Variants in ABCA4 observed in about 807,000 individuals in gnomAD.
ABCA4 encodes the protein ATP binding cassette subfamily A member 4.
Under a neutral mutation model 263.7 loss-of-function variants are expected in ABCA4, and 196 were observed. The ratio of observed to expected loss-of-function variants is 0.74; its 90% CI spans 0.66 to 0.84. ABCA4 has a LOEUF of 0.84. Among genes scored for constraint, ABCA4 ranks in the 40% least tolerant of loss-of-function variants. ABCA4 has a pLI of 0.00. For missense variants in ABCA4, 2,792 were observed against 2,855.1 expected, an observed-to-expected ratio of 0.98 and a Z score of 0.50; for synonymous variants, 1,133 against 1,094.2, an observed-to-expected ratio of 1.04 and a Z score of -0.70.
rs763545409 is a variant in ABCA4 at position 94,079,324 on chromosome 1, T to C, written c.1237A>G (p.Asn413Asp). 1.2e-6 allele frequency: 2 copies of C among 1,614,130 alleles called. No individual in the cohort carries two copies. The change falls in exon 9 of 50, where the codon AAT becomes GAT. Residue 413 changes from asparagine (N) to aspartate (D), a missense_variant and splice_region_variant. By Grantham distance (23) the Asn-to-Asp change is conservative. Transcript: ENST00000370225. ...DSPAARRILK[N>D]ANSTFEELEH... Reference sequence around the variant, plus strand: ...GGCAAGCCCAGCTGGGATCTTACATTCTTCAGTATCCTTCGTGCTGCAGGT... The same window carrying C: ...GGCAAGCCCAGCTGGGATCTTACATCCTTCAGTATCCTTCGTGCTGCAGGT...
chr1:94,116,968 C>CTCTTCCTTTCTT (rs1662787107), intron 1 of ABCA4, among the ~76,000 whole-genome samples: 3 of 99,940 alleles, frequency 3.0e-5, no homozygotes, highest in Non-Finnish European at 5.9e-5. Flanking sequence ...TTCTTTCTTT[C>CTCTTCCTTTCTT]TCTTTCTTTC....
rs756840095 is a variant in ABCA4 at position 94,042,797 on chromosome 1, G to A, written c.3292C>T (p.Arg1098Cys). ...TTCAGGAGCAGATCCCAGATTGAGC[G>A]TCTCGAGTAAGGGTCCACCCCAGAG... Reference protein sequence around the residue: ...PTSGVDPYSRRSIWDLLLKYR... With the variant: ...PTSGVDPYSRCSIWDLLLKYR... Residue 1098 changes from arginine to cysteine, a missense_variant, in exon 22 of 50, where the codon CGC becomes TGC. Coordinates refer to ENST00000370225, the MANE Select transcript of ABCA4 (RefSeq NM_000350.3). 2.8e-5 allele frequency: 46 copies of A among 1,614,088 alleles called. No homozygotes were observed. Among genetic ancestry groups the A allele is most frequent in the Middle Eastern group, 3.3e-4 (2 of 6,084 alleles).
Position 94,001,894 on chromosome 1 carries a change from G to C in ABCA4, c.6246C>G (p.Ala2082=). 6.2e-7 allele frequency: 1 copy of C among 1,614,214 alleles called. No homozygotes were observed. The highest frequency in any genetic ancestry group is 8.5e-7 in the Non-Finnish European group (1 of 1,180,040). Residue 2082 remains alanine, a synonymous_variant, in exon 45 of 50, where the codon GCC becomes GCG. Coordinates refer to ENST00000370225, the MANE Select transcript of ABCA4 (RefSeq NM_000350.3). ...GCGGTGGGCAGCCAATGAGTGCGATGGCTGTGGAGAGTTTCCGCTTGTTGC... is the reference window on the plus strand; with the variant it reads ...GCGGTGGGCAGCCAATGAGTGCGATCGCTGTGGAGAGTTTCCGCTTGTTGC... ...SGGNKRKLST[A]IALIGCPPLV...
intron 4 of ABCA4, among the ~76,000 whole-genome samples, chr1:94,108,278 G>C (rs1240897159): frequency 6.6e-6 from 1 of 152,098 alleles, no homozygotes; most frequent in East Asian, 1.9e-4. Flanking sequence ...CGTCTCCCCT[G>C]CTTCTAGCCC....
At chr1:94,061,804 G>A (rs987058932) in intron 13 of ABCA4, among the ~76,000 whole-genome samples, 5 of 152,238 alleles carry the variant, frequency 3.3e-5, no homozygotes, top group Non-Finnish European at 7.3e-5. Flanking sequence ...TTTCTGTAGA[G>A]CTGAGGCTGG....
At chr1:94,006,384 T>C (rs912214343) in intron 43 of ABCA4, among the ~76,000 whole-genome samples, 2 of 152,220 alleles carry the variant, frequency 1.3e-5, no homozygotes, top group African/African-American at 2.4e-5. Context: ...GTCTTAAGCC[T>C]ATAGTTTCTT....
chr1:94,062,391 T>C (rs1471937879), intron 13 of ABCA4, among the ~76,000 whole-genome samples, 186 bp downstream of exon 13: 1 of 152,174 alleles, frequency 6.6e-6, no homozygotes. Flanking sequence ...CTGACTCATC[T>C]GTGCCTGCCT....
chr1:94,025,405 T>A (rs1660011563), intron 30 of ABCA4, among the ~76,000 whole-genome samples: 1 of 152,072 alleles, frequency 6.6e-6, no homozygotes, highest in Non-Finnish European at 1.5e-5. Context: ...AACTTCCGTT[T>A]TCCACCCAGC....
At chr1:94,098,199 C>A (rs1662181710) in intron 6 of ABCA4, among the ~76,000 whole-genome samples, 1 of 152,130 alleles carries the variant, frequency 6.6e-6, no homozygotes, top group Admixed American at 6.5e-5. Context: ...AGTTCTAGAA[C>A]AAAGGGTTGA....
chr1:94,095,453 A>AT (rs1662098646), intron 6 of ABCA4, among the ~76,000 whole-genome samples: 1 of 152,038 alleles, frequency 6.6e-6, no homozygotes, highest in African/African-American at 2.4e-5. Flanking sequence ...AACCTTATTT[A>AT]TACACTGGCC....
chr1:94,077,879 C>T lies in ABCA4; in HGVS notation c.1365G>A (p.Leu455=), dbSNP rs759398868. ...STQMNMIRDT[L]GNPTVKDFLN... Reference sequence around the variant, plus strand: ...AAAAGTCTTTTACTGTTGGGTTCCCCAGGGTATCCTTGGGAAGAAGAAATA... The same window carrying T: ...AAAAGTCTTTTACTGTTGGGTTCCCTAGGGTATCCTTGGGAAGAAGAAATA... Residue 455 remains leucine (L), a synonymous_variant, in exon 11 of 50, where the codon CTG becomes CTA. Coordinates refer to ENST00000370225, the MANE Select transcript of ABCA4 (RefSeq NM_000350.3). 5.6e-6 allele frequency: 9 copies of T among 1,613,804 alleles called. 1 individual carries two copies. In the East Asian group the frequency reaches 2.0e-4, roughly 36 times the overall value.
intron 47 of ABCA4, among the ~76,000 whole-genome samples, chr1:93,999,299 G>A (rs1017866473): frequency 6.6e-6 from 1 of 152,238 alleles, no homozygotes; most frequent in Non-Finnish European, 1.5e-5. Flanking sequence ...ACCTGCCTCA[G>A]CTTCCCAAAG....
Position 94,060,561 on chromosome 1 carries a change from G to T in ABCA4, c.2136C>A (p.Ile712=), listed in dbSNP as rs1232125183. 6.2e-7 allele frequency: 1 copy of T among 1,614,000 alleles called. No individual in the cohort carries two copies. The highest frequency in any genetic ancestry group is 8.5e-7 in the Non-Finnish European group (1 of 1,180,020). Residue 712 remains isoleucine (I), a synonymous_variant, in exon 14 of 50, where the codon ATC becomes ATA. Transcript: ENST00000370225. ...LDSFSIMSMS[I]FLLTIFIMHG... ...CCATGATGAATATCGTCAGGAGGAA[G>T]ATGCTCATCGACATGATGGAGAAGC...
chr1:94,107,028 A>G (rs1662453553), intron 4 of ABCA4, among the ~76,000 whole-genome samples: 1 of 152,182 alleles, frequency 6.6e-6, no homozygotes, highest in African/African-American at 2.4e-5. Context: ...TGAATGTTGA[A>G]GGAGCTGCAC....
chr1:94,030,163 T>C (rs1051055323), intron 29 of ABCA4, among the ~76,000 whole-genome samples: 1 of 152,296 alleles, frequency 6.6e-6, no homozygotes, highest in African/African-American at 2.4e-5. Flanking sequence ...AAATAAGTTA[T>C]GGGGAATCAT....
At chr1:94,077,419 C>A (rs1661565050) in intron 11 of ABCA4, among the ~76,000 whole-genome samples, 1 of 152,110 alleles carries the variant, frequency 6.6e-6, no homozygotes. Flanking sequence ...GGGTTGAGGA[C>A]AGACACAGAT....
Position 94,031,981 on chromosome 1 carries a change from T to C in ABCA4, c.3925A>G (p.Lys1309Glu). Residue 1309 changes from lysine to glutamate, a missense_variant, in exon 27 of 50, where the codon AAG becomes GAG. Physicochemically the swap from Lys to Glu is moderately conservative, Grantham distance 56 (BLOSUM62 1). Transcript: ENST00000370225. ...GAGTCCTGGGGTGTCTGTCCAGCCT[T>C]CTCTCTGGGACCCAAGCAGGGGTGT... ...PRHPCLGPRE[K>E]AGQTPQDSNV... 1 of 1,613,848 alleles carries C rather than the reference T, an allele frequency of 6.2e-7. No individual in the cohort carries two copies. Among genetic ancestry groups the C allele is most frequent in the Non-Finnish European group, 8.5e-7 (1 of 1,179,974 alleles).
In ABCA4 at chr1:94,008,312, G is replaced by A; in HGVS notation, c.5836-15C>T. ...CCTGGATAAATCTGCAAGATACGAA[G>A]AAACCGGACTGAGAACTGAGACAGG... On this transcript the variant is annotated splice_polypyrimidine_tract_variant and intron_variant, in intron 41 of 49. Transcript: ENST00000370225. The A allele has an allele frequency of 6.2e-7, 1 of 1,613,368 alleles. No individual in the cohort carries two copies. The highest frequency in any genetic ancestry group is 8.5e-7 in the Non-Finnish European group (1 of 1,179,298).
chr1:94,092,293 C>T (rs1464189792), intron 6 of ABCA4, among the ~76,000 whole-genome samples: 1 of 152,168 alleles, frequency 6.6e-6, no homozygotes, highest in Non-Finnish European at 1.5e-5. Flanking sequence ...GCAGTTGAAG[C>T]AGTGGACAGA....
Sources: gnomAD v4.1 joint callset for allele counts (sites outside exome capture counted in the v4.1 genomes callset) on GRCh38, gnomAD v4.1.1 for gene constraint, MANE v1.5 for transcripts, NCBI Gene and HGNC (gene_info 2026-07-23, HGNC 2026-07-21) for gene names.